The following OR8J1 variants were observed in gnomAD, a reference collection of about 807,000 sequenced individuals.
OR8J1 encodes olfactory receptor family 8 subfamily J member 1, also known as olfactory receptor 8J1.
For missense variants in OR8J1, 400 were observed against 373.0 expected, an observed-to-expected ratio of 1.07 and a Z score of -0.60; for synonymous variants, 157 against 144.3, an observed-to-expected ratio of 1.09 and a Z score of -0.63.
intron 1 of OR8J1, among the ~76,000 whole-genome samples, chr11:56,358,817 C>T (rs1852597007): frequency 6.6e-6 from 1 of 151,716 alleles, no homozygotes; most frequent in Non-Finnish European, 1.5e-5. Flanking sequence ...TGCACGTTAC[C>T]AGAGTAAGAA....
chr11:56,360,156 G>C, intron 1 of OR8J1, 71 bp from the exon 2 acceptor site: 1 of 983,800 alleles, frequency 1.0e-6, no homozygotes, highest in South Asian at 1.7e-5. Context: ...TCAGGGAATT[G>C]TCCTAGCCAT....
In OR8J1 at chr11:56,361,260, T is replaced by C. The variant is rs548575754; in HGVS notation, c.*63T>C. 5.1e-5 allele frequency: 35 copies of C among 681,482 alleles called. No individual in the cohort carries two copies. The highest frequency in any genetic ancestry group is 6.9e-5 in the Non-Finnish European group (32 of 464,624). The allele number at this position is 681,482 out of a possible 1,614,324, so 42.2% of individuals were successfully genotyped here. ...TAAGCTGCCATTATGTAAAAGAAAA[T>C]GTAGGAAAAAGAAAAGGTAGGTAGC... On this transcript the variant is annotated 3_prime_UTR_variant, in exon 2 of 2. Transcript: ENST00000533152.
intron 1 of OR8J1, among the ~76,000 whole-genome samples, chr11:56,359,787 T>C (rs12793157): frequency 6.6e-6 from 1 of 152,116 alleles, no homozygotes; most frequent in African/African-American, 2.4e-5. Flanking sequence ...AGAAAATGGG[T>C]TAGGATAGTA....
chr11:56,360,216 C>T lies in OR8J1; in HGVS notation c.-20-11C>T, dbSNP rs755589930. 2.6e-6 allele frequency: 4 copies of T among 1,520,474 alleles called. No homozygotes were observed. The highest frequency in any genetic ancestry group is 1.4e-5 in the African/African-American group (1 of 71,740). 94.2% of individuals were successfully genotyped at this position (1,520,474 alleles called of 1,614,324 possible). A position where few individuals can be genotyped will look rare whatever the true frequency, so the allele number is the denominator to read the frequency against. On this transcript the variant is annotated splice_polypyrimidine_tract_variant and intron_variant, in intron 1 of 1. Coordinates refer to ENST00000533152, the MANE Select transcript of OR8J1 (RefSeq NM_001005205.3). ...CTTTAAAGTTTTTAACCTCTCTTTT[C>T]CCCCAAACAGATGAATTTCCAAACT...
chr11:56,361,254 A>G lies in OR8J1; in HGVS notation c.*57A>G. The G allele has an allele frequency of 1.4e-6, 1 of 709,860 alleles. No homozygotes were observed. The highest frequency in any genetic ancestry group is 2.1e-6 in the Non-Finnish European group (1 of 487,432). The allele number at this position is 709,860 out of a possible 1,614,324, so 44.0% of individuals were successfully genotyped here. On this transcript the variant is annotated 3_prime_UTR_variant, in exon 2 of 2. Transcript: ENST00000533152. ...TTAATATAAGCTGCCATTATGTAAA[A>G]GAAAATGTAGGAAAAAGAAAAGGTA... is the stretch of plus-strand genomic sequence containing the variant.
At chr11:56,356,904 A>G (rs1168581164) in intron 1 of OR8J1, among the ~76,000 whole-genome samples, 2 of 152,126 alleles carry the variant, frequency 1.3e-5, no homozygotes, top group Admixed American at 6.5e-5. Context: ...ATATTCAAAA[A>G]TGGCACAGCT....
In OR8J1 at chr11:56,360,794, C is replaced by G; in HGVS notation, c.548C>G (p.Pro183Arg). Residue 183 changes from proline to arginine, a missense_variant, in exon 2 of 2, where the codon CCT becomes CGT. Pro to Arg is a moderately radical substitution (Grantham distance 103). Transcript: ENST00000533152. ...AATCATTTTTACTGTGATAATGTTC[C>G]TCTGTTAGCATTATCTTGCTCTGAT... ...IINHFYCDNV[P>R]LLALSCSDTY... The G allele has an allele frequency of 6.4e-7, 1 of 1,571,752 alleles. No homozygotes were observed. Among genetic ancestry groups the G allele is most frequent in the Non-Finnish European group, 8.6e-7 (1 of 1,164,254 alleles).
At position 56,361,142 on chromosome 11, in the gene OR8J1, A is replaced by C; in HGVS notation, c.896A>C (p.Lys299Thr). Residue 299 changes from lysine (K) to threonine (T), a missense_variant, in exon 2 of 2, where the codon AAG becomes ACG. Coordinates refer to ENST00000533152, the MANE Select transcript of OR8J1 (RefSeq NM_001005205.3). ...LIYSLRNKDVKTALQRFMTNL... is the reference protein window; with the variant it reads ...LIYSLRNKDVTTALQRFMTNL... The stretch of plus-strand genomic sequence containing the variant: ...TACAGCCTGAGGAATAAGGATGTGA[A>C]GACTGCTCTACAGAGATTCATGACA... The C allele has an allele frequency of 6.8e-7, 1 of 1,476,700 alleles. No individual in the cohort carries two copies. The allele number at this position is 1,476,700 out of a possible 1,614,324, so 91.5% of individuals were successfully genotyped here.
chr11:56,357,759 T>C, intron 1 of OR8J1: 1 of 1,510,374 alleles, frequency 6.6e-7, no homozygotes, highest in Non-Finnish European at 9.1e-7. Flanking sequence ...TACCTGCTAT[T>C]TGGGTGCAGG....
chr11:56,361,459 G>T lies in OR8J1; in HGVS notation c.*262G>T. ...AGGTAGACAGTTTGAAATAAAAATG[G>T]TTTCCAGCAGTTAGAAAAAAAAATT... On this transcript the variant is annotated 3_prime_UTR_variant, in exon 2 of 2. Transcript: ENST00000533152. 1 of 345,774 alleles carries T rather than the reference G, an allele frequency of 2.9e-6. No individual in the cohort carries two copies. The highest frequency in any genetic ancestry group is 5.1e-6 in the Non-Finnish European group (1 of 194,200). The allele number at this position is 345,774 out of a possible 1,614,324, so 21.4% of individuals were successfully genotyped here. A position where few individuals can be genotyped will look rare whatever the true frequency, so the allele number is the denominator to read the frequency against.
chr11:56,356,077 TAATGA>T (rs1308548902), intron 1 of OR8J1, among the ~76,000 whole-genome samples: 1 of 152,234 alleles, frequency 6.6e-6, no homozygotes, highest in Non-Finnish European at 1.5e-5. Context: ...TCAATTATTC[TAATGA>T]ATACCTTGGA....
intron 1 of OR8J1, chr11:56,357,769 G>A: frequency 6.8e-7 from 1 of 1,472,440 alleles, no homozygotes; most frequent in South Asian, 1.1e-5. Context: ...TTGGGTGCAG[G>A]CCTTGCCAGA....
chr11:56,356,212 G>A (rs370983077), intron 1 of OR8J1, among the ~76,000 whole-genome samples: 4 of 152,184 alleles, frequency 2.6e-5, no homozygotes, highest in Admixed American at 6.5e-5. Flanking sequence ...GTTATAGAAG[G>A]CTTGCTCTAA....
intron 1 of OR8J1, among the ~76,000 whole-genome samples, chr11:56,355,555 G>A (rs1379768496): frequency 6.6e-6 from 1 of 152,116 alleles, no homozygotes; most frequent in African/African-American, 2.4e-5. Flanking sequence ...TTGAACCCAG[G>A]AGGCGGAGGT....
Position 56,360,865 on chromosome 11 carries a change from G to A in OR8J1, c.619G>A (p.Val207Met), listed in dbSNP as rs1262620757. Residue 207 changes from valine (V) to methionine (M), a missense_variant, in exon 2 of 2, where the codon GTG becomes ATG. Physicochemically the swap from Val to Met is conservative, Grantham distance 21. Transcript: ENST00000533152. ...TVVFISAATN[V>M]VGSLIIVLVS... ...TGTCTTTATATCTGCAGCAACAAAT[G>A]TGGTTGGTTCCTTGATTATAGTTCT... The A allele has an allele frequency of 5.3e-6, 8 of 1,506,040 alleles. No individual in the cohort carries two copies. The highest frequency in any genetic ancestry group is 1.4e-5 in the African/African-American group (1 of 70,990). 93.3% of individuals were successfully genotyped at this position (1,506,040 alleles called of 1,614,324 possible).
At position 56,357,640 on chromosome 11, in the gene OR8J1, C is replaced by A. The variant is rs1005322169; in HGVS notation, c.-20-2587C>A. The A allele has an allele frequency of 6.9e-6, 10 of 1,456,626 alleles. No homozygotes were observed. The Admixed American group carries it at 1.3e-4, about 20-fold the overall frequency. 90.2% of individuals were successfully genotyped at this position (1,456,626 alleles called of 1,614,324 possible). A position where few individuals can be genotyped will look rare whatever the true frequency, so the allele number is the denominator to read the frequency against. Reference sequence around the variant, plus strand: ...GCCTATTGTACTTGCCTGCTGCTGGCCTGCAGGCTTCTCAATAGGTTTGGC... The same window carrying A: ...GCCTATTGTACTTGCCTGCTGCTGGACTGCAGGCTTCTCAATAGGTTTGGC... On this transcript the variant is annotated intron_variant, in intron 1 of 1. Transcript: ENST00000533152.
chr11:56,356,561 G>T (rs1183722119), intron 1 of OR8J1, among the ~76,000 whole-genome samples: 1 of 151,998 alleles, frequency 6.6e-6, no homozygotes, highest in African/African-American at 2.4e-5. Flanking sequence ...GGCATGGGAG[G>T]GGACACAGAA....
intron 1 of OR8J1, chr11:56,357,282 G>T: frequency 4.5e-6 from 2 of 444,226 alleles, no homozygotes; most frequent in Admixed American, 6.6e-5. Flanking sequence ...AGGCCTGCAG[G>T]TCTCTGTCAA....
chr11:56,360,391 A>G lies in OR8J1; in HGVS notation c.145A>G (p.Thr49Ala). 6.2e-7 allele frequency: 1 copy of G among 1,613,986 alleles called. No homozygotes were observed. The highest frequency in any genetic ancestry group is 1.1e-5 in the South Asian group (1 of 91,066). Residue 49 changes from threonine (T) to alanine (A), a missense_variant, in exon 2 of 2, where the codon ACC (threonine) becomes GCC (alanine). By Grantham distance (58) the Thr-to-Ala change is moderately conservative. Coordinates refer to ENST00000533152, the MANE Select transcript of OR8J1 (RefSeq NM_001005205.3). ...MAGNLGIITL[T>A]SVDSRLQTPM... ...AGGGAACCTGGGCATCATCACCCTC[A>G]CCAGTGTTGACTCTCGACTTCAAAC...
Sources: allele counts gnomAD v4.1 joint callset (sites outside exome capture counted in the v4.1 genomes callset), GRCh38; gene constraint gnomAD v4.1.1; transcripts MANE v1.5; gene names NCBI Gene and HGNC (gene_info 2026-07-23, HGNC 2026-07-21).